Variants in FA2H observed in about 807,000 individuals in gnomAD.
FA2H encodes the protein fatty acid 2-hydroxylase.
FA2H carries 22 observed loss-of-function variants against 44.9 expected under a neutral mutation model. That is an observed-to-expected ratio of 0.49 (90% CI 0.35 to 0.70). The LOEUF is 0.70. Ranked by LOEUF, FA2H falls within the 30% of genes least tolerant of loss-of-function variation. The probability of loss-of-function intolerance (pLI) is 0.01; values close to 1 mark genes in which losing one functional copy is unlikely to be tolerated. For missense variants in FA2H, 501 were observed against 504.9 expected (o/e 0.99, Z 0.07); for synonymous variants, 243 against 213.2 (o/e 1.14, Z -1.22).
intron 1 of FA2H, among the ~76,000 whole-genome samples, chr16:74,769,684 C>G (rs565314503): frequency 7.8e-4 from 119 of 152,178 alleles, no homozygotes; most frequent in Non-Finnish European, 1.6e-3. Context: ...ACCTAAAGTC[C>G]TTTCCTTGTC....
intron 6 of FA2H, 114 bp downstream of exon 6, chr16:74,716,233 T>C: frequency 1.6e-6 from 2 of 1,228,586 alleles, no homozygotes; most frequent in East Asian, 2.3e-5. Flanking sequence ...GGGAACCCTC[T>C]GTATATGCCC....
At chr16:74,762,176 G>A (rs1470926132) in intron 1 of FA2H, among the ~76,000 whole-genome samples, 2 of 152,122 alleles carry the variant, frequency 1.3e-5, no homozygotes, top group African/African-American at 4.8e-5. Context: ...CTGAGTAGGT[G>A]GGACTGCAGG....
chr16:74,727,517 C>A, intron 2 of FA2H, 131 bp from the exon 3 acceptor site: 2 of 949,404 alleles, frequency 2.1e-6, no homozygotes, highest in Non-Finnish European at 3.3e-6. Flanking sequence ...GGCCACCCAC[C>A]CTCCTGCTTC....
chr16:74,727,548 G>C (rs1961985638), intron 2 of FA2H, among the ~76,000 whole-genome samples, 162 bp from the exon 3 acceptor site: 2 of 152,228 alleles, frequency 1.3e-5, no homozygotes, highest in African/African-American at 4.8e-5. Flanking sequence ...AACTGACCAA[G>C]CTGCTCATCC....
chr16:74,719,338 C>A (rs777744385), intron 4 of FA2H, among the ~76,000 whole-genome samples, 178 bp from the exon 5 acceptor site: 1 of 152,186 alleles, frequency 6.6e-6, no homozygotes, highest in Non-Finnish European at 1.5e-5. Flanking sequence ...CTGTAGGACT[C>A]TGGTCTGGGT....
intron 5 of FA2H, among the ~76,000 whole-genome samples, chr16:74,718,190 A>C (rs373276252): frequency 6.6e-6 from 1 of 152,200 alleles, no homozygotes; most frequent in Non-Finnish European, 1.5e-5. Flanking sequence ...CTGGGAAACC[A>C]AGGTGAAACC....
chr16:74,719,167 G>T lies in FA2H; in HGVS notation c.614-7C>A, dbSNP rs377171975. 6.2e-7 allele frequency: 1 copy of T among 1,612,370 alleles called. No homozygotes were observed. Among genetic ancestry groups the T allele is most frequent in the Non-Finnish European group, 8.5e-7 (1 of 1,179,726 alleles). ...GGCACTGCCACCGTGTACTCTGCAG[G>T]GTGGCAGGGAGAGCGAGGTGAGGAC... On this transcript the variant is annotated splice_region_variant and splice_polypyrimidine_tract_variant and intron_variant, in intron 4 of 6. Transcript: ENST00000219368.
intron 4 of FA2H, among the ~76,000 whole-genome samples, chr16:74,725,055 G>A (rs989772365): frequency 2.6e-5 from 4 of 152,202 alleles, no homozygotes; most frequent in African/African-American, 9.6e-5. Flanking sequence ...TGAGCAACAA[G>A]CTCCGTGCTG....
At chr16:74,745,924 G>T (rs1295683519) in intron 1 of FA2H, among the ~76,000 whole-genome samples, 1 of 150,382 alleles carries the variant, frequency 6.6e-6, no homozygotes, top group East Asian at 2.0e-4. Flanking sequence ...TCCTGCCTCA[G>T]CCTCCTGAGT....
intron 1 of FA2H, among the ~76,000 whole-genome samples, chr16:74,760,136 A>C (rs1567649217): frequency 6.6e-6 from 1 of 152,144 alleles, no homozygotes; most frequent in African/African-American, 2.4e-5. Context: ...TGCAAATGAC[A>C]GGAGAATTGC....
intron 1 of FA2H, among the ~76,000 whole-genome samples, chr16:74,746,777 A>G (rs1313749037): frequency 1.3e-5 from 2 of 152,014 alleles, no homozygotes; most frequent in Non-Finnish European, 2.9e-5. Context: ...TTCCCAGAAC[A>G]GGGAATTCCA....
intron 1 of FA2H, among the ~76,000 whole-genome samples, chr16:74,744,774 C>T (rs1962383960): frequency 1.3e-5 from 2 of 152,030 alleles, no homozygotes; most frequent in Non-Finnish European, 2.9e-5. Context: ...TTTATAGAGA[C>T]GGGGTCTTGC....
chr16:74,767,478 T>A (rs1264285203), intron 1 of FA2H, among the ~76,000 whole-genome samples: 1 of 152,172 alleles, frequency 6.6e-6, no homozygotes, highest in Non-Finnish European at 1.5e-5. Flanking sequence ...GCAGATGTCA[T>A]TAAGTGAAAG....
At chr16:74,740,149 G>C in intron 1 of FA2H, 34 bp from the exon 2 acceptor site, 2 of 1,550,732 alleles carry the variant, frequency 1.3e-6, no homozygotes, top group African/African-American at 2.7e-5. Context: ...ATTATACACA[G>C]TGGGTGAGGG....
intron 2 of FA2H, among the ~76,000 whole-genome samples, chr16:74,731,212 T>C (rs113314227): frequency 1.3e-5 from 2 of 151,602 alleles, no homozygotes; most frequent in African/African-American, 4.8e-5. Context: ...CGGCTCATCG[T>C]AACCTCCGTC....
chr16:74,747,068 T>C (rs2144643236), intron 1 of FA2H, among the ~76,000 whole-genome samples: 1 of 152,206 alleles, frequency 6.6e-6, no homozygotes, highest in South Asian at 2.1e-4. Flanking sequence ...CCCAGCACTT[T>C]GGGAGGCAGA....
intron 1 of FA2H, among the ~76,000 whole-genome samples, chr16:74,772,128 G>A (rs1421024424): frequency 6.6e-6 from 1 of 152,194 alleles, no homozygotes. Context: ...TGTGGCCCCG[G>A]CCGACTTTTG....
chr16:74,766,649 G>A (rs1056924306), intron 1 of FA2H, among the ~76,000 whole-genome samples: 2 of 152,050 alleles, frequency 1.3e-5, no homozygotes, highest in African/African-American at 4.8e-5. Context: ...CTAAGGGGGG[G>A]GGCTCCTGAA....
intron 3 of FA2H, among the ~76,000 whole-genome samples, 161 bp downstream of exon 3, chr16:74,727,083 T>C (rs1356778349): frequency 1.3e-5 from 2 of 152,210 alleles, no homozygotes; most frequent in Non-Finnish European, 2.9e-5. Flanking sequence ...AAACCATGCA[T>C]AGGGATGAAT....
Sources: allele counts gnomAD v4.1 joint callset (sites outside exome capture counted in the v4.1 genomes callset), GRCh38; gene constraint gnomAD v4.1.1; transcripts MANE v1.5; gene names NCBI Gene and HGNC (gene_info 2026-07-23, HGNC 2026-07-21).